PRDM15: variants seen among roughly 807,000 people sequenced by gnomAD.
PRDM15 encodes PR/SET domain 15.
PRDM15 carries 64 observed loss-of-function variants against 128.6 expected under a neutral mutation model. The ratio of observed to expected loss-of-function variants is 0.50; its 90% CI spans 0.41 to 0.61. The LOEUF is 0.61. Ranked by LOEUF, PRDM15 falls within the 20% of genes least tolerant of loss-of-function variation. PRDM15 has a pLI of 0.00. For missense variants in PRDM15, 1,242 were observed against 1,569.1 expected, an observed-to-expected ratio of 0.79 and a Z score of 3.52; for synonymous variants, 615 against 621.8, an observed-to-expected ratio of 0.99 and a Z score of 0.16.
rs2145912039 is a variant in PRDM15, at chr21:41,860,331, G to A, written c.33C>T (p.Phe11=). The change falls in exon 2 of 24, where the codon TTC becomes TTT. Residue 11 remains phenylalanine (F), a synonymous_variant. Transcript: ENST00000398548. MAEDGSEEIM[F]IWCEDCSQYH... is the part of the protein sequence containing the mutation. The stretch of plus-strand genomic sequence containing the variant: ...ACAGGTCCCTGGGTCACTTACAGAT[G>A]AACATGATCTCTTCGCTCCCATCTT... 1 of 1,613,776 alleles carries A rather than the reference G, an allele frequency of 6.2e-7. No individual in the cohort carries two copies. The highest frequency in any genetic ancestry group is 2.2e-5 in the East Asian group (1 of 44,884).
rs1271496648 is a variant in PRDM15, at chr21:41,854,009, C to T, written c.538+557G>A. 6.6e-6 allele frequency among the ~76,000 whole-genome samples: 1 copy of T among 152,220 alleles called. No homozygotes were observed. The highest frequency in any genetic ancestry group is 1.5e-5 in the Non-Finnish European group (1 of 68,040). Reference sequence around the variant, plus strand: ...AGGATGGGTCACTCACTGCACGTAGCCCCCAGGGCAGAGCTAAGCAGTCAT... The same window carrying T: ...AGGATGGGTCACTCACTGCACGTAGTCCCCAGGGCAGAGCTAAGCAGTCAT... On this transcript the variant is annotated intron_variant, in intron 5 of 23. Transcript: ENST00000398548. The surrounding 1 kb of genome is among the most constrained non-coding windows in gnomAD (Gnocchi z 4.6).
chr21:41,845,864 TG>T (rs1368513056), intron 6 of PRDM15, among the ~76,000 whole-genome samples: 1 of 152,124 alleles, frequency 6.6e-6, no homozygotes, highest in Non-Finnish European at 1.5e-5. Flanking sequence ...GGGGACCACC[TG>T]GCGCAAGCAG....
At position 41,862,070 on chromosome 21, in the gene PRDM15, G is replaced by C; in HGVS notation, c.-9-1698C>G. ...TGGGATGGGGGCTCAGCTGGGCAGT[G>C]AGCAGGAGATGAACAGGACAAAGGG... On this transcript the variant is annotated intron_variant, in intron 1 of 23. Coordinates refer to ENST00000398548, the MANE Select transcript of PRDM15 (RefSeq NM_001040424.3). The surrounding 1 kb of genome is among the most constrained non-coding windows in gnomAD (Gnocchi z 4.1). 1 of 1,206,690 alleles carries C rather than the reference G, an allele frequency of 8.3e-7. No individual in the cohort carries two copies. The highest frequency in any genetic ancestry group is 1.2e-6 in the Non-Finnish European group (1 of 822,344). The allele number at this position is 1,206,690 out of a possible 1,614,324, so 74.7% of individuals were successfully genotyped here. A position where few individuals can be genotyped will look rare whatever the true frequency, so the allele number is the denominator to read the frequency against.
intron 1 of PRDM15, chr21:41,877,157 C>T (rs1200936826): frequency 6.5e-6 from 1 of 152,842 alleles, no homozygotes; most frequent in East Asian, 1.9e-4. Context: ...GCACTGGTCT[C>T]CACTGTGGCC....
chr21:41,810,171 G>T lies in PRDM15; in HGVS notation c.2635C>A (p.Arg879=). Residue 879 remains arginine, a synonymous_variant, in exon 21 of 24, where the codon CGG becomes AGG. Coordinates refer to ENST00000398548, the MANE Select transcript of PRDM15 (RefSeq NM_001040424.3). The surrounding 1 kb of genome is among the most constrained non-coding windows in gnomAD (Gnocchi z 6.4). ...STRASMSRHM[R]RKHPEVLAVR... Reference sequence around the variant, plus strand: ...CAGCTCACCTCGGGGTGCTTGCGCCGCATGTGTCGGCTCATGGAGGCCCTG... The same window carrying T: ...CAGCTCACCTCGGGGTGCTTGCGCCTCATGTGTCGGCTCATGGAGGCCCTG... The T allele has an allele frequency of 6.2e-7, 1 of 1,609,638 alleles. No individual in the cohort carries two copies. Among genetic ancestry groups the T allele is most frequent in the Non-Finnish European group, 8.5e-7 (1 of 1,178,846 alleles).
intron 1 of PRDM15, chr21:41,861,939 G>GT (rs1274109788): frequency 3.1e-6 from 5 of 1,613,908 alleles, no homozygotes; most frequent in Non-Finnish European, 4.2e-6. Context: ...ACGTTCAAAG[G>GT]TATCTCGTGC....
In PRDM15 at chr21:41,798,571, G is replaced by C. The variant is rs2061351399; in HGVS notation, c.*2669C>G. 2 of 152,256 alleles carry C rather than the reference G, an allele frequency of 1.3e-5. No individual in the cohort carries two copies. The highest frequency in any genetic ancestry group is 1.3e-4 in the Admixed American group (2 of 15,274). 9.4% of individuals were successfully genotyped at this position (152,256 alleles called of 1,614,324 possible). A position where few individuals can be genotyped will look rare whatever the true frequency, so the allele number is the denominator to read the frequency against. On this transcript the variant is annotated 3_prime_UTR_variant, in exon 24 of 24. Transcript: ENST00000398548. ...CAACCCACAGACCAGGATTCACGGG[G>C]AGCAGCTGTACCTGTGGCCTCCCCG...
intron 1 of PRDM15, chr21:41,878,974 G>C: frequency 1.0e-6 from 1 of 994,324 alleles, no homozygotes; most frequent in Non-Finnish European, 1.2e-6. Context: ...AGCCCGGCCA[G>C]GAGCGCCCGC....
rs183048272 is a variant in PRDM15, at chr21:41,810,423, G to A, written c.2477-94C>T. 3.0e-5 allele frequency: 42 copies of A among 1,412,498 alleles called. No homozygotes were observed. The East Asian group carries it at 6.1e-4, about 21-fold the overall frequency. The allele number at this position is 1,412,498 out of a possible 1,614,324, so 87.5% of individuals were successfully genotyped here. On this transcript the variant is annotated intron_variant, in intron 20 of 23. Transcript: ENST00000398548. The surrounding 1 kb of genome is among the most constrained non-coding windows in gnomAD (Gnocchi z 6.4). Reference sequence around the variant, plus strand: ...TCCCAATGACCCTGGCCTGCTGGACGAGGCAAGAAGCCTGTCACGCCCCGC... The same window carrying A: ...TCCCAATGACCCTGGCCTGCTGGACAAGGCAAGAAGCCTGTCACGCCCCGC...
chr21:41,860,389 G>A lies in PRDM15; in HGVS notation c.-9-17C>T, dbSNP rs199755080. 1.2e-6 allele frequency: 2 copies of A among 1,611,430 alleles called. No individual in the cohort carries two copies. The highest frequency in any genetic ancestry group is 1.7e-6 in the Non-Finnish European group (2 of 1,177,798). On this transcript the variant is annotated splice_polypyrimidine_tract_variant and intron_variant, in intron 1 of 23. Coordinates refer to ENST00000398548, the MANE Select transcript of PRDM15 (RefSeq NM_001040424.3). ...CTCTGACACCTGTCAGGATACAAGA[G>A]AGCCTCATTAATGACAAGCTCTTAC...
At chr21:41,869,097 T>C (rs7277616) in intron 1 of PRDM15, among the ~76,000 whole-genome samples, 74,406 of 151,986 alleles carry the variant, frequency 0.49, 18,877 homozygotes, top group East Asian at 0.61. Context: ...AAGTATTTTC[T>C]CCCTGTCTGG....
chr21:41,849,559 TAA>T (rs79088664), intron 5 of PRDM15, among the ~76,000 whole-genome samples: 7 of 139,170 alleles, frequency 5.0e-5, no homozygotes, highest in Admixed American at 7.2e-5. Context: ...CAGACTGACT[TAA>T]AAAAAAAAAA....
chr21:41,801,776 C>CA, intron 23 of PRDM15, 54 bp from the exon 24 acceptor site: 1 of 1,569,110 alleles, frequency 6.4e-7, no homozygotes. Flanking sequence ...ATGGGGAACG[C>CA]AAGGACCTCC....
At chr21:41,876,435 G>A (rs896223829) in intron 1 of PRDM15, among the ~76,000 whole-genome samples, 2 of 152,174 alleles carry the variant, frequency 1.3e-5, no homozygotes, top group African/African-American at 4.8e-5. Flanking sequence ...TGAGTTCTGA[G>A]CCTGAATTCA....
chr21:41,808,550 C>G (rs1415090553), intron 21 of PRDM15, among the ~76,000 whole-genome samples: 2 of 152,224 alleles, frequency 1.3e-5, no homozygotes, highest in African/African-American at 4.8e-5. Context: ...AAGTCACTTT[C>G]ATTACAGGAC....
rs1183933891 is a variant in PRDM15 at position 41,837,992 on chromosome 21, T to C, written c.943A>G (p.Met315Val). The C allele has an allele frequency of 1.2e-6, 2 of 1,614,212 alleles. No individual in the cohort carries two copies. Among genetic ancestry groups the C allele is most frequent in the East Asian group, 2.2e-5 (1 of 44,880 alleles). ...GCCAGCTTCCCCAGAACCAGCTCCA[T>C]GATCCGCTCATCTGGCGTTGCACTC... is the stretch of plus-strand genomic sequence containing the variant. ...PVSATPDERI[M>V]ELVLGKLATT... The change falls in exon 8 of 24, where the codon ATG becomes GTG. Residue 315 changes from methionine (M) to valine (V), a missense_variant. Physicochemically the swap from Met to Val is conservative, Grantham distance 21. Coordinates refer to ENST00000398548, the MANE Select transcript of PRDM15 (RefSeq NM_001040424.3).
At position 41,854,708 on chromosome 21, in the gene PRDM15, C is replaced by A. The variant is rs772449377; in HGVS notation, c.396G>T (p.Thr132=). The A allele has an allele frequency of 6.2e-7, 1 of 1,613,428 alleles. No homozygotes were observed. The highest frequency in any genetic ancestry group is 8.5e-7 in the Non-Finnish European group (1 of 1,179,956). Residue 132 remains threonine (T), a synonymous_variant, in exon 5 of 24, where the codon ACG becomes ACT. Coordinates refer to ENST00000398548, the MANE Select transcript of PRDM15 (RefSeq NM_001040424.3). This position sits in a 1 kb window ranked among gnomAD's most constrained non-coding sequence, Gnocchi z 4.6. ...ACACGTCGCTGCCGTGCTGGTAGGC[C>A]GTCAGGTTCTGGTGCTCGGCCTCCG... ...PAAEAEHQNL[T]AYQHGSDVYF...
chr21:41,874,724 CTTAGTCAAGGTT>C (rs931384790), intron 1 of PRDM15: 12 of 152,050 alleles, frequency 7.9e-5, no homozygotes, highest in Admixed American at 5.9e-4. Flanking sequence ...AGCCGCATCA[CTTAGTCAAGGTT>C]TACTGATGAC....
intron 13 of PRDM15, 105 bp from the exon 14 acceptor site, chr21:41,823,554 A>G (rs2062362811): frequency 8.2e-7 from 1 of 1,226,040 alleles, no homozygotes; most frequent in Non-Finnish European, 1.1e-6. Context: ...ACGGAAACAC[A>G]GCACTGTGCT....
Sources: allele counts gnomAD v4.1 joint callset (sites outside exome capture counted in the v4.1 genomes callset), GRCh38; gene constraint gnomAD v4.1.1; non-coding constraint Gnocchi (gnomAD v3.1); transcripts MANE v1.5; gene names NCBI Gene and HGNC (gene_info 2026-07-23, HGNC 2026-07-21).